The following WTAP variants were observed in gnomAD, a reference collection of about 807,000 sequenced individuals.
The protein encoded by WTAP is WT1 associated protein.
WTAP carries 8 observed loss-of-function variants against 50.0 expected under a neutral mutation model. The ratio of observed to expected loss-of-function variants is 0.16; its 90% CI spans 0.09 to 0.29. The LOEUF is 0.29. WTAP is among the 10% of genes least tolerant of loss of function. WTAP has a pLI of 1.00. For synonymous variants in WTAP, 194 were observed against 169.0 expected, an observed-to-expected ratio of 1.15 and a Z score of -1.15; for missense variants, 295 against 470.7, an observed-to-expected ratio of 0.63 and a Z score of 3.45.
intron 5 of WTAP, among the ~76,000 whole-genome samples, chr6:159,747,830 C>T (rs921347349): frequency 1.3e-5 from 2 of 152,124 alleles, no homozygotes; most frequent in African/African-American, 4.8e-5. Flanking sequence ...TATGTAGCCA[C>T]TTTAAGTCCC....
In WTAP at chr6:159,739,061, T is replaced by C. The variant is rs1779087119; in HGVS notation, c.86+16T>C. 9 of 1,602,868 alleles carry C rather than the reference T, an allele frequency of 5.6e-6. No individual in the cohort carries two copies. The highest frequency in any genetic ancestry group is 7.7e-6 in the Non-Finnish European group (9 of 1,171,568). On this transcript the variant is annotated intron_variant, in intron 3 of 7. Coordinates refer to ENST00000621533, the MANE Select transcript of WTAP (RefSeq NM_001270531.2). ...TAATTCTAAGGTAAAATGTTCTCTGTTCAAAAACAAAGTCTTTCTATAGAA... is the reference window on the plus strand; with the variant it reads ...TAATTCTAAGGTAAAATGTTCTCTGCTCAAAAACAAAGTCTTTCTATAGAA...
intron 5 of WTAP, among the ~76,000 whole-genome samples, chr6:159,747,989 G>T (rs1779677872): frequency 6.6e-6 from 1 of 151,980 alleles, no homozygotes; most frequent in Non-Finnish European, 1.5e-5. Flanking sequence ...ATCAGATCGG[G>T]GTAATTAGCA....
chr6:159,737,976 T>A (rs1293827950), intron 2 of WTAP, among the ~76,000 whole-genome samples: 1 of 152,258 alleles, frequency 6.6e-6, no homozygotes, highest in African/African-American at 2.4e-5. Flanking sequence ...TGTGCAACTT[T>A]CACTGAGCCT....
At chr6:159,730,796 T>C (rs1778519188) in intron 1 of WTAP, 1 of 152,170 alleles carries the variant, frequency 6.6e-6, no homozygotes, top group South Asian at 2.1e-4. Context: ...CCAAAATCTG[T>C]ATTTACTCCT....
intron 7 of WTAP, among the ~76,000 whole-genome samples, chr6:159,754,782 A>G (rs1164643945): frequency 6.6e-6 from 1 of 152,154 alleles, no homozygotes; most frequent in Non-Finnish European, 1.5e-5. Context: ...TTCCTTCTAC[A>G]GTTGCTTGAA....
At chr6:159,741,911 C>T (rs552603059) in intron 3 of WTAP, 177 bp from the exon 4 acceptor site, 14 of 504,984 alleles carry the variant, frequency 2.8e-5, no homozygotes, top group Non-Finnish European at 3.9e-5. Context: ...GTTTGCGCCA[C>T]GCTGCACTCC....
chr6:159,736,906 A>C (rs753145546), intron 2 of WTAP, among the ~76,000 whole-genome samples: 1 of 152,240 alleles, frequency 6.6e-6, no homozygotes, highest in Admixed American at 6.5e-5. Flanking sequence ...CAATTGGGAA[A>C]GCTTACTAAA....
At chr6:159,736,975 T>A (rs1193439314) in intron 2 of WTAP, among the ~76,000 whole-genome samples, 1 of 152,218 alleles carries the variant, frequency 6.6e-6, no homozygotes. Context: ...GGAGTCAGAT[T>A]ACTCATTAAA....
chr6:159,730,400 T>C (rs963615549), intron 1 of WTAP, among the ~76,000 whole-genome samples: 16 of 152,220 alleles, frequency 1.1e-4, no homozygotes, highest in African/African-American at 3.6e-4. Flanking sequence ...TTTATGAATC[T>C]AGAATTGACT....
At chr6:159,732,141 C>G (rs1337732609) in intron 1 of WTAP, among the ~76,000 whole-genome samples, 2 of 152,092 alleles carry the variant, frequency 1.3e-5, no homozygotes, top group Non-Finnish European at 2.9e-5. Context: ...GATCCGAGTA[C>G]TGTATTTTTT....
rs776521777 is a variant in WTAP at position 159,755,524 on chromosome 6, G to C, written c.1104G>C (p.Val368=). The C allele has an allele frequency of 1.9e-6, 3 of 1,614,086 alleles. No individual in the cohort carries two copies. The highest frequency in any genetic ancestry group is 1.7e-6 in the Non-Finnish European group (2 of 1,180,052). Reference sequence around the variant, plus strand: ...ATGACCCTCAAGAGGAGAAAGCAGTGAGTGGGAAAGGTAATCGAACTGTGG... The same window carrying C: ...ATGACCCTCAAGAGGAGAAAGCAGTCAGTGGGAAAGGTAATCGAACTGTGG... ...SSHDPQEEKA[V]SGKGNRTVGS... The change falls in exon 8 of 8, where the codon GTG becomes GTC. Residue 368 remains valine (V), a synonymous_variant. Coordinates refer to ENST00000621533, the MANE Select transcript of WTAP (RefSeq NM_001270531.2).
At chr6:159,727,038 C>A (rs1035960474), upstream of WTAP, 2 of 1,226,404 alleles carry the variant, frequency 1.6e-6, no homozygotes, top group African/African-American at 3.1e-5. Flanking sequence ...CAGGTGGCCC[C>A]GGCGAGTACT....
At chr6:159,737,521 T>G (rs1778994620) in intron 2 of WTAP, among the ~76,000 whole-genome samples, 1 of 151,992 alleles carries the variant, frequency 6.6e-6, no homozygotes, top group Non-Finnish European at 1.5e-5. Context: ...TGAGACAGAG[T>G]CTCACTCTGT....
intron 5 of WTAP, among the ~76,000 whole-genome samples, chr6:159,747,560 C>T (rs189108684): frequency 6.6e-6 from 1 of 152,238 alleles, no homozygotes; most frequent in African/African-American, 2.4e-5. Context: ...ACTCTTGTAG[C>T]TATAAGTACT....
intron 1 of WTAP, among the ~76,000 whole-genome samples, chr6:159,729,509 T>C (rs1778435133): frequency 6.6e-6 from 1 of 152,258 alleles, no homozygotes; most frequent in South Asian, 2.1e-4. Flanking sequence ...TTAATAGAAT[T>C]TAATCTTTTC....
intron 1 of WTAP, 88 bp downstream of exon 1, chr6:159,727,791 C>T (rs890717274): frequency 3.2e-6 from 3 of 928,730 alleles, no homozygotes; most frequent in Non-Finnish European, 3.9e-6. Context: ...GGGTAAGGGG[C>T]GGGCAGGGCC....
At chr6:159,752,876 A>G (rs551827245) in intron 6 of WTAP, among the ~76,000 whole-genome samples, 2 of 152,172 alleles carry the variant, frequency 1.3e-5, no homozygotes, top group Non-Finnish European at 2.9e-5. Flanking sequence ...AGAGGCTGGC[A>G]CTACAAGCAT....
At chr6:159,754,896 TG>T (rs1248552004) in intron 7 of WTAP, 131 bp from the exon 8 acceptor site, 39 of 994,154 alleles carry the variant, frequency 3.9e-5, no homozygotes, top group Non-Finnish European at 5.5e-5. Context: ...AATTTTTAAA[TG>T]TAGTGTGATT....
At position 159,748,901 on chromosome 6, in the gene WTAP, T is replaced by G; in HGVS notation, c.452+532T>G. 1 of 1,179,610 alleles carries G rather than the reference T, an allele frequency of 8.5e-7. No homozygotes were observed. Among genetic ancestry groups the G allele is most frequent in the Non-Finnish European group, 1.0e-6 (1 of 955,074 alleles). 73.1% of individuals were successfully genotyped at this position (1,179,610 alleles called of 1,614,324 possible). A position where few individuals can be genotyped will look rare whatever the true frequency, so the allele number is the denominator to read the frequency against. Reference sequence around the variant, plus strand: ...CCAATAAGACTGTGGACTTCATGATTGTTGTTGAACTTCTGGGTCAAAACT... The same window carrying G: ...CCAATAAGACTGTGGACTTCATGATGGTTGTTGAACTTCTGGGTCAAAACT... On this transcript the variant is annotated intron_variant, in intron 6 of 7. Coordinates refer to ENST00000621533, the MANE Select transcript of WTAP (RefSeq NM_001270531.2). This position sits in a 1 kb window ranked among gnomAD's most constrained non-coding sequence, Gnocchi z 5.6.
Sources: gnomAD v4.1 joint callset for allele counts (sites outside exome capture counted in the v4.1 genomes callset) on GRCh38, gnomAD v4.1.1 for gene constraint, Gnocchi (gnomAD v3.1) non-coding constraint, MANE v1.5 for transcripts, NCBI Gene and HGNC (gene_info 2026-07-23, HGNC 2026-07-21) for gene names.